FSIP2: variants seen among roughly 807,000 people sequenced by gnomAD.
FSIP2 encodes fibrous sheath interacting protein 2.
FSIP2 carries 367 observed loss-of-function variants against 510.5 expected under a neutral mutation model. The ratio of observed to expected loss-of-function variants is 0.72; its 90% CI spans 0.66 to 0.78. The LOEUF (loss-of-function observed/expected upper bound fraction) is 0.78, where lower values mean the gene tolerates loss of function less well. FSIP2 is among the 30% of genes least tolerant of loss of function. The pLI is 0.00. For synonymous variants in FSIP2, 2,601 were observed against 2,732.2 expected, an observed-to-expected ratio of 0.95 and a Z score of 1.50; for missense variants, 7,594 against 7,901.7, an observed-to-expected ratio of 0.96 and a Z score of 1.48.
intron 19 of FSIP2, among the ~76,000 whole-genome samples, chr2:185,818,117 G>T (rs1693856472): frequency 6.6e-6 from 1 of 151,882 alleles, no homozygotes; most frequent in South Asian, 2.1e-4. Context: ...ATACAAATGT[G>T]CAAGTATTAT....
At chr2:185,814,606 T>C (rs1193742317) in intron 18 of FSIP2, among the ~76,000 whole-genome samples, 2 of 152,046 alleles carry the variant, frequency 1.3e-5, no homozygotes, top group East Asian at 1.9e-4. Flanking sequence ...ATGGTAAACA[T>C]CTCTTGTTGA....
rs770173894 is a variant in FSIP2, at chr2:185,806,035, G to C, written c.16729G>C (p.Gly5577Arg). 1 of 1,551,180 alleles carries C rather than the reference G, an allele frequency of 6.4e-7. No homozygotes were observed. The highest frequency in any genetic ancestry group is 8.7e-7 in the Non-Finnish European group (1 of 1,144,962). Residue 5577 changes from glycine (G) to arginine (R), a missense_variant, in exon 17 of 23, where the codon GGG (glycine) becomes CGG (arginine). By Grantham distance (125) the Gly-to-Arg change is moderately radical. Transcript: ENST00000424728. The stretch of plus-strand genomic sequence containing the variant: ...AAATTTAATTCCAACAGATAAAAAA[G>C]GGAAAGATGATGAGATATACACACA... The part of the protein sequence containing the change: ...KRNLIPTDKK[G>R]KDDEIYTHFS...
rs764077864 is a variant in FSIP2 at position 185,807,470 on chromosome 2, T to C, written c.18164T>C (p.Val6055Ala). The change falls in exon 17 of 23, where the codon GTT becomes GCT. Residue 6055 changes from valine (V) to alanine (A), a missense_variant. Coordinates refer to ENST00000424728, the MANE Select transcript of FSIP2 (RefSeq NM_173651.4). ...CTTCAAATGAAGTTAGTAAGTGCAG[T>C]TGCAACAGAGATCTCCCAAGATAAA... ...NFLQMKLVSAVATEISQDKYM... is the reference protein window; with the variant it reads ...NFLQMKLVSAAATEISQDKYM... The C allele has an allele frequency of 8.7e-6, 14 of 1,612,552 alleles. No individual in the cohort carries two copies. The highest frequency in any genetic ancestry group is 1.1e-5 in the Non-Finnish European group (13 of 1,179,252).
At chr2:185,772,887 A>C (rs980832830) in intron 13 of FSIP2, among the ~76,000 whole-genome samples, 1 of 138,748 alleles carries the variant, frequency 7.2e-6, no homozygotes, top group Non-Finnish European at 1.5e-5. Context: ...CTTTTTTCAG[A>C]TCTAGCTCTG....
At chr2:185,748,387 C>A (rs1692078506) in intron 7 of FSIP2, among the ~76,000 whole-genome samples, 1 of 151,140 alleles carries the variant, frequency 6.6e-6, no homozygotes, top group Admixed American at 6.6e-5. Context: ...AATGATTCTC[C>A]CACCTTGTCC....
At position 185,788,761 on chromosome 2, in the gene FSIP2, C is replaced by T. The variant is rs772131568; in HGVS notation, c.1625C>T (p.Thr542Ile). ...TATGAAAAAAGATTGCAAAATAATACATACCCAGTATCTGATGACTCCATC... is the reference window on the plus strand; with the variant it reads ...TATGAAAAAAGATTGCAAAATAATATATACCCAGTATCTGATGACTCCATC... ...TKYEKRLQNN[T>I]YPVSDDSILS... The change falls in exon 16 of 23, where the codon ACA becomes ATA. Residue 542 changes from threonine (T) to isoleucine (I), a missense_variant. Transcript: ENST00000424728. 25 of 1,534,338 alleles carry T rather than the reference C, an allele frequency of 1.6e-5. No homozygotes were observed. In the African/African-American group the frequency reaches 3.2e-4, roughly 19 times the overall value.
At chr2:185,788,186 A>G (rs1693033180) in intron 15 of FSIP2, 1 of 152,196 alleles carries the variant, frequency 6.6e-6, no homozygotes, top group South Asian at 2.1e-4. Context: ...TGTTTCTGAA[A>G]GCATCCAAAT....
chr2:185,820,365 A>G (rs567820394), intron 19 of FSIP2, among the ~76,000 whole-genome samples: 25 of 151,824 alleles, frequency 1.6e-4, no homozygotes, highest in Admixed American at 5.3e-4. Flanking sequence ...ACTCAATTAA[A>G]CCTCTTTCCT....
chr2:185,833,244 TA>T lies in FSIP2; in HGVS notation c.*20del. The T allele has an allele frequency of 2.5e-6, 4 of 1,579,122 alleles. No individual in the cohort carries two copies. The highest frequency in any genetic ancestry group is 3.4e-6 in the Non-Finnish European group (4 of 1,162,528). On this transcript the variant is annotated 3_prime_UTR_variant, in exon 23 of 23. Coordinates refer to ENST00000424728, the MANE Select transcript of FSIP2 (RefSeq NM_173651.4). Reference sequence around the variant, plus strand: ...AACACTGAAGCTTTTGTACCTGATATAAGTATGCTTACTTCTTTTAGAAAAT... The same window carrying T: ...AACACTGAAGCTTTTGTACCTGATATAGTATGCTTACTTCTTTTAGAAAAT...
rs147133625 is a variant in FSIP2, at chr2:185,828,184, T to C, written c.20502T>C (p.His6834=). 125 of 1,581,124 alleles carry C rather than the reference T, an allele frequency of 7.9e-5. No homozygotes were observed. The African/African-American group carries it at 1.3e-3, about 17-fold the overall frequency. ...GTTCTCAGGAACAAAAGCCAGAGCA[T>C]GGAAACAGTGTTAAGGTAAGTATTT... ...EESSQEQKPE[H]GNSVKFITIF... is the part of the protein sequence containing the mutation. The change falls in exon 21 of 23, where the codon CAT becomes CAC. Residue 6834 remains histidine (H), a synonymous_variant. Transcript: ENST00000424728.
Position 185,806,043 on chromosome 2 carries a change from T to C in FSIP2, c.16737T>C (p.Asp5579=). Residue 5579 remains aspartate, a synonymous_variant, in exon 17 of 23, where the codon GAT becomes GAC. Coordinates refer to ENST00000424728, the MANE Select transcript of FSIP2 (RefSeq NM_173651.4). ...NLIPTDKKGK[D]DEIYTHFSLI... is the part of the protein sequence containing the mutation. Reference sequence around the variant, plus strand: ...TTCCAACAGATAAAAAAGGGAAAGATGATGAGATATACACACATTTTTCAT... The same window carrying C: ...TTCCAACAGATAAAAAAGGGAAAGACGATGAGATATACACACATTTTTCAT... The C allele has an allele frequency of 6.4e-7, 1 of 1,552,850 alleles. No homozygotes were observed. Among genetic ancestry groups the C allele is most frequent in the Non-Finnish European group, 8.7e-7 (1 of 1,144,754 alleles).
rs1693664285 is a variant in FSIP2 at position 185,809,018 on chromosome 2, G to A, written c.19712G>A (p.Arg6571Lys). The A allele has an allele frequency of 7.4e-6, 12 of 1,612,758 alleles. No homozygotes were observed. The highest frequency in any genetic ancestry group is 9.3e-6 in the Non-Finnish European group (11 of 1,179,446). The part of the protein sequence containing the change: ...RTGHSIAELR[R>K]ASISGRNYSL... ...GGACATAGCATAGCAGAACTGAGAA[G>A]AGCATCAATAAGTGGGAGAAATTAC... is the stretch of plus-strand genomic sequence containing the variant. The change falls in exon 17 of 23, where the codon AGA (arginine) becomes AAA (lysine). Residue 6571 changes from arginine to lysine, a missense_variant. By Grantham distance (26) the Arg-to-Lys change is conservative. Transcript: ENST00000424728.
intron 13 of FSIP2, among the ~76,000 whole-genome samples, chr2:185,780,575 T>TA (rs35947258): frequency 4.0e-5 from 6 of 151,870 alleles, no homozygotes; most frequent in Non-Finnish European, 1.5e-5. Context: ...CCCTTCTTTA[T>TA]ATATTTAAAC....
Position 185,788,971 on chromosome 2 carries a change from G to C in FSIP2, c.1835G>C (p.Gly612Ala). 2 of 1,534,468 alleles carry C rather than the reference G, an allele frequency of 1.3e-6. No homozygotes were observed. The highest frequency in any genetic ancestry group is 1.4e-5 in the African/African-American group (1 of 72,996). Residue 612 changes from glycine to alanine, a missense_variant, in exon 16 of 23, where the codon GGG (glycine) becomes GCG (alanine). By Grantham distance (60) the Gly-to-Ala change is moderately conservative. Transcript: ENST00000424728. ...PPAHVEKTVV[G>A]KTCHIKGQSI... is the part of the protein sequence containing the mutation. Reference sequence around the variant, plus strand: ...GCACATGTGGAAAAAACAGTTGTGGGGAAAACATGTCACATAAAAGGACAA... The same window carrying C: ...GCACATGTGGAAAAAACAGTTGTGGCGAAAACATGTCACATAAAAGGACAA...
rs1381072854 is a variant in FSIP2 at position 185,801,673 on chromosome 2, G to T, written c.12367G>T (p.Glu4123Ter). 2.0e-6 allele frequency: 3 copies of T among 1,527,048 alleles called. No individual in the cohort carries two copies. The highest frequency in any genetic ancestry group is 2.0e-5 in the Admixed American group (1 of 49,642). 94.6% of individuals were successfully genotyped at this position (1,527,048 alleles called of 1,614,324 possible). Residue 4123 changes from glutamate (E) to a stop codon, truncating the protein, a stop_gained, in exon 17 of 23, where the codon GAA becomes TAA. Transcript: ENST00000424728. LOFTEE classifies it high-confidence loss of function. ...ILQKLQSNLT[E>*]FTSLPRSSSD... Reference sequence around the variant, plus strand: ...GCAAAAGCTTCAAAGTAACCTAACAGAATTTACTTCTCTACCCAGGTCTTC... The same window carrying T: ...GCAAAAGCTTCAAAGTAACCTAACATAATTTACTTCTCTACCCAGGTCTTC...
At chr2:185,824,748 CTACAAAATAGAGTGTATTGTA>C (rs1296147784) in intron 20 of FSIP2, among the ~76,000 whole-genome samples, 2 of 151,670 alleles carry the variant, frequency 1.3e-5, no homozygotes, top group Admixed American at 1.3e-4. Context: ...TGTGAAATAT[CTACAAAATAGAGTGTATTGTA>C]ACAGCAGTTT....
intron 13 of FSIP2, among the ~76,000 whole-genome samples, chr2:185,770,995 C>A (rs1281238823): frequency 1.3e-5 from 2 of 152,312 alleles, no homozygotes; most frequent in Non-Finnish European, 2.9e-5. Flanking sequence ...AACATTAAAT[C>A]TCAAAGCTCC....
intron 15 of FSIP2, 74 bp from the exon 16 acceptor site, chr2:185,788,569 T>A: frequency 9.8e-7 from 1 of 1,024,626 alleles, no homozygotes; most frequent in South Asian, 1.9e-5. Context: ...AAATTAAATG[T>A]TACCTTCTGT....
At chr2:185,817,988 T>C (rs1286918185) in intron 19 of FSIP2, among the ~76,000 whole-genome samples, 2 of 152,074 alleles carry the variant, frequency 1.3e-5, no homozygotes, top group East Asian at 3.9e-4. Context: ...AAGAGAAGAA[T>C]TGGACTATCC....
Sources: gnomAD v4.1 joint callset for allele counts (sites outside exome capture counted in the v4.1 genomes callset) on GRCh38, gnomAD v4.1.1 for gene constraint, MANE v1.5 for transcripts, NCBI Gene and HGNC (gene_info 2026-07-23, HGNC 2026-07-21) for gene names.